The following CENPW variants were observed in gnomAD, a reference collection of about 807,000 sequenced individuals.
The protein encoded by CENPW is cancer-up-regulated gene 2 protein.
In CENPW, 3 loss-of-function variants were observed where a neutral mutation model predicts 11.1. That is an observed-to-expected ratio of 0.27 (90% CI 0.12 to 0.70). The LOEUF (loss-of-function observed/expected upper bound fraction) is 0.70. CENPW is among the 30% of genes least tolerant of loss of function. CENPW has a pLI of 0.77. For synonymous variants in CENPW, 38 were observed against 42.0 expected (o/e 0.91, Z 0.37); for missense variants, 100 against 105.6 (o/e 0.95, Z 0.23).
chr6:126,464,167 T>C, the CENPW span, among the ~76,000 whole-genome samples: 1 of 152,006 alleles, frequency 6.6e-6, no homozygotes, highest in African/African-American at 2.4e-5. Flanking sequence ...GTTTAACATT[T>C]GAAAAACAAT....
the CENPW span, among the ~76,000 whole-genome samples, chr6:126,433,486 G>T: frequency 1.3e-5 from 2 of 152,120 alleles, no homozygotes; most frequent in African/African-American, 4.8e-5. Context: ...GATTTTATCA[G>T]ACTGTTGGTA....
chr6:126,378,586 A>G, the CENPW span, among the ~76,000 whole-genome samples: 1 of 152,096 alleles, frequency 6.6e-6, no homozygotes, highest in Admixed American at 6.6e-5. Context: ...ACTTTATCAT[A>G]CTGCTTTAGA....
chr6:126,400,416 A>G, the CENPW span, among the ~76,000 whole-genome samples: 1 of 151,874 alleles, frequency 6.6e-6, no homozygotes, highest in Non-Finnish European at 1.5e-5. Context: ...TCTTTGCAAA[A>G]TTTTACTTGT....
the CENPW span, among the ~76,000 whole-genome samples, chr6:126,471,222 C>T: frequency 6.6e-6 from 1 of 152,020 alleles, no homozygotes; most frequent in African/African-American, 2.4e-5. Flanking sequence ...GTGCCATTTC[C>T]CCCATGGTAT....
the CENPW span, among the ~76,000 whole-genome samples, chr6:126,418,304 A>T: frequency 8.5e-5 from 13 of 152,236 alleles, no homozygotes; most frequent in Non-Finnish European, 1.6e-4. Context: ...AAATGCTCAT[A>T]GCAGCGTTAT....
the CENPW span, among the ~76,000 whole-genome samples, chr6:126,390,296 C>T: frequency 6.6e-6 from 1 of 151,860 alleles, no homozygotes; most frequent in Non-Finnish European, 1.5e-5. Flanking sequence ...CACATTGCAA[C>T]TAAAGCGTTC....
the CENPW span, among the ~76,000 whole-genome samples, chr6:126,456,951 A>G: frequency 6.6e-6 from 1 of 150,718 alleles, no homozygotes; most frequent in African/African-American, 2.4e-5. Context: ...AACATGCTAT[A>G]CACCACTAAT....
chr6:126,412,088 T>C, the CENPW span, among the ~76,000 whole-genome samples: 1 of 123,784 alleles, frequency 8.1e-6, no homozygotes, highest in Non-Finnish European at 1.7e-5. Flanking sequence ...TCTCTCTCTC[T>C]CCTTCCTTCC....
the CENPW span, among the ~76,000 whole-genome samples, chr6:126,398,801 C>T: frequency 6.6e-6 from 1 of 151,082 alleles, no homozygotes; most frequent in African/African-American, 2.4e-5. Flanking sequence ...GTTTATCAAC[C>T]CTTGCCCTCC....
the CENPW span, among the ~76,000 whole-genome samples, chr6:126,430,919 CA>C: frequency 2.7e-5 from 4 of 147,392 alleles, no homozygotes; most frequent in Admixed American, 6.8e-5. Context: ...GACTCCATCT[CA>C]AAAAAAAATA....
At chr6:126,401,507 T>C in the CENPW span, among the ~76,000 whole-genome samples, 1,742 of 152,110 alleles carry the variant, frequency 0.011, 35 homozygotes, top group African/African-American at 0.038. Context: ...GAATCCTAAG[T>C]GATTCTTCCC....
chr6:126,480,596 A>T, the CENPW span, among the ~76,000 whole-genome samples: 1 of 152,090 alleles, frequency 6.6e-6, no homozygotes, highest in Non-Finnish European at 1.5e-5. Context: ...AAATACCACA[A>T]AATGAATGGG....
the CENPW span, among the ~76,000 whole-genome samples, chr6:126,373,135 G>A: frequency 1.3e-4 from 20 of 152,150 alleles, no homozygotes; most frequent in Admixed American, 4.6e-4. Flanking sequence ...CTGAAATCTT[G>A]TAAATGATTT....
At chr6:126,348,291 A>G (rs556907056) in intron 2 of CENPW, among the ~76,000 whole-genome samples, 175 bp from the exon 3 acceptor site, 18 of 152,142 alleles carry the variant, frequency 1.2e-4, no homozygotes, top group African/African-American at 4.3e-4. Flanking sequence ...GAAATCTAAG[A>G]CTATAAGACA....
the CENPW span, among the ~76,000 whole-genome samples, chr6:126,386,967 A>G: frequency 2.6e-5 from 4 of 151,982 alleles, no homozygotes; most frequent in Non-Finnish European, 4.4e-5. Flanking sequence ...AACATCACTA[A>G]TTTAAAAATA....
At chr6:126,462,499 CTTCTT>C in the CENPW span, among the ~76,000 whole-genome samples, 4 of 147,096 alleles carry the variant, frequency 2.7e-5, no homozygotes, top group East Asian at 6.4e-4. Flanking sequence ...CACCTCTTCT[CTTCTT>C]TTCTTTCTCT....
the CENPW span, among the ~76,000 whole-genome samples, chr6:126,383,804 G>A: frequency 1.3e-5 from 2 of 152,144 alleles, no homozygotes; most frequent in South Asian, 2.1e-4. Context: ...GAGAGACTTA[G>A]ACTCCTAGAC....
At chr6:126,458,793 A>T in the CENPW span, among the ~76,000 whole-genome samples, 1 of 151,454 alleles carries the variant, frequency 6.6e-6, no homozygotes, top group East Asian at 1.9e-4. Flanking sequence ...GTTTTTGAAG[A>T]TTTTAAGTAA....
At chr6:126,471,784 A>G in the CENPW span, among the ~76,000 whole-genome samples, 1 of 152,232 alleles carries the variant, frequency 6.6e-6, no homozygotes, top group Non-Finnish European at 1.5e-5. Context: ...AATAATTAGA[A>G]GGAAGCAAGA....
Sources: allele counts gnomAD v4.1 joint callset (sites outside exome capture counted in the v4.1 genomes callset), GRCh38; gene constraint gnomAD v4.1.1; transcripts MANE v1.5; gene names NCBI Gene and HGNC (gene_info 2026-07-23, HGNC 2026-07-21).